The following LRRC37A2 variants were observed in gnomAD, a reference collection of about 807,000 sequenced individuals.
LRRC37A2 encodes leucine-rich repeat-containing protein 37A2.
In LRRC37A2, 9 loss-of-function variants were observed where a neutral mutation model predicts 68.8. The observed-to-expected ratio is 0.13, with a 90% CI of 0.08 to 0.23. LRRC37A2 has a LOEUF of 0.23. Ranked by LOEUF, LRRC37A2 falls within the 10% of genes least tolerant of loss-of-function variation. The pLI, the probability that LRRC37A2 is intolerant of heterozygous loss-of-function variation, is 1.00. For missense variants in LRRC37A2, 168 were observed against 950.4 expected (o/e 0.18, Z 10.82); for synonymous variants, 63 against 367.6 (o/e 0.17, Z 9.48).
chr17:46,772,924 G>A, the LRRC37A2 span, among the ~76,000 whole-genome samples: 2 of 152,122 alleles, frequency 1.3e-5, no homozygotes, highest in African/African-American at 4.8e-5. Context: ...TGGCCAGCCC[G>A]GCCAGGATCG....
the LRRC37A2 span, among the ~76,000 whole-genome samples, chr17:46,873,338 T>G: frequency 6.6e-6 from 1 of 151,870 alleles, no homozygotes; most frequent in Non-Finnish European, 1.5e-5. Context: ...AGGCCCATAG[T>G]GAGCCAGGCA....
At chr17:46,996,552 C>CT in the LRRC37A2 span, among the ~76,000 whole-genome samples, 1 of 152,376 alleles carries the variant, frequency 6.6e-6, no homozygotes, top group Non-Finnish European at 1.5e-5. Context: ...GCAGGTCTGA[C>CT]TTCCTGTGAA....
chr17:46,938,822 A>G, the LRRC37A2 span: 1 of 1,610,714 alleles, frequency 6.2e-7, no homozygotes, highest in South Asian at 1.1e-5. Context: ...TGTGTGTGAA[A>G]GAGAGAGGGG....
chr17:46,907,968 G>A, the LRRC37A2 span, among the ~76,000 whole-genome samples: 4 of 152,090 alleles, frequency 2.6e-5, no homozygotes, highest in East Asian at 1.9e-4. Context: ...GGGAATGGCC[G>A]GTAGAAGAGT....
the LRRC37A2 span, among the ~76,000 whole-genome samples, chr17:46,838,040 G>T: frequency 6.6e-6 from 1 of 152,096 alleles, no homozygotes; most frequent in Non-Finnish European, 1.5e-5. Flanking sequence ...TTAGGCCATT[G>T]CTCCAACCCC....
At chr17:46,541,864 G>A (rs532175851) in intron 8 of LRRC37A2, among the ~76,000 whole-genome samples, 1 of 150,414 alleles carries the variant, frequency 6.6e-6, no homozygotes, top group East Asian at 1.9e-4. Context: ...GTATCTGCAG[G>A]GGGTCCTGGA....
the LRRC37A2 span, among the ~76,000 whole-genome samples, chr17:46,946,508 GA>G: frequency 0.28 from 39,408 of 141,488 alleles, 6,153 homozygotes; most frequent in South Asian, 0.46. Flanking sequence ...TCCCTTTGTG[GA>G]AAAAAAAAAA....
the LRRC37A2 span, among the ~76,000 whole-genome samples, chr17:47,016,097 A>G: frequency 6.6e-6 from 1 of 152,138 alleles, no homozygotes; most frequent in Non-Finnish European, 1.5e-5. Context: ...GGTATGCACC[A>G]CCACACATGG....
the LRRC37A2 span, among the ~76,000 whole-genome samples, chr17:46,967,314 T>A: frequency 6.6e-6 from 1 of 152,228 alleles, no homozygotes; most frequent in Non-Finnish European, 1.5e-5. Context: ...GGCTTCAGTT[T>A]CCTCAAATGT....
the LRRC37A2 span, among the ~76,000 whole-genome samples, chr17:46,821,919 G>A: frequency 6.6e-6 from 1 of 152,220 alleles, no homozygotes; most frequent in Non-Finnish European, 1.5e-5. Flanking sequence ...CGCCCTCATG[G>A]GGCTACCCGT....
the LRRC37A2 span, among the ~76,000 whole-genome samples, chr17:47,036,684 A>G: frequency 1.3e-5 from 2 of 150,352 alleles, no homozygotes; most frequent in Non-Finnish European, 3.0e-5. Flanking sequence ...TGTCAATTCT[A>G]TTCTATTGAT....
chr17:46,782,510 AAAGGT>A, the LRRC37A2 span, among the ~76,000 whole-genome samples: 14 of 152,214 alleles, frequency 9.2e-5, no homozygotes. Context: ...AAGGGAAAGG[AAAGGT>A]TTGAGGAAAG....
the LRRC37A2 span, among the ~76,000 whole-genome samples, chr17:46,852,389 AGT>A: frequency 0.14 from 14,659 of 104,974 alleles, 998 homozygotes; most frequent in Non-Finnish European, 0.16. Flanking sequence ...GAGAGGGCCC[AGT>A]GTGTGTGTGT....
the LRRC37A2 span, among the ~76,000 whole-genome samples, chr17:46,862,670 C>T: frequency 3.3e-5 from 5 of 152,150 alleles, no homozygotes; most frequent in Non-Finnish European, 5.9e-5. Flanking sequence ...ACAACCTCTG[C>T]CTCCCAGGTT....
the LRRC37A2 span, chr17:46,769,938 G>C: frequency 6.2e-7 from 1 of 1,613,198 alleles, no homozygotes; most frequent in Non-Finnish European, 8.5e-7. Flanking sequence ...GGCCCCTTAT[G>C]ATGCGAGTCA....
chr17:47,033,525 T>C, the LRRC37A2 span: 1 of 606,922 alleles, frequency 1.6e-6, no homozygotes, highest in Admixed American at 2.9e-5. Flanking sequence ...CTTGGGATTC[T>C]AGCATAGATC....
the LRRC37A2 span, among the ~76,000 whole-genome samples, chr17:46,784,999 G>C: frequency 2.7e-4 from 41 of 152,086 alleles, no homozygotes; most frequent in Non-Finnish European, 4.3e-4. Flanking sequence ...GGATGGTCTC[G>C]ATCTCCTGAC....
the LRRC37A2 span, among the ~76,000 whole-genome samples, chr17:46,829,093 C>T: frequency 5.9e-5 from 9 of 152,300 alleles, no homozygotes; most frequent in Admixed American, 1.3e-4. Flanking sequence ...GAAGGTTGCA[C>T]AACTTTTTCA....
the LRRC37A2 span, among the ~76,000 whole-genome samples, chr17:46,972,022 G>C: frequency 7.2e-5 from 11 of 152,308 alleles, no homozygotes; most frequent in African/African-American, 2.6e-4. Context: ...GTGGGGGAGA[G>C]GGGGGACCTT....
Sources: gnomAD v4.1 joint callset for allele counts (sites outside exome capture counted in the v4.1 genomes callset) on GRCh38, gnomAD v4.1.1 for gene constraint, MANE v1.5 for transcripts, NCBI Gene and HGNC (gene_info 2026-07-23, HGNC 2026-07-21) for gene names.